Variants in NYAP2 observed in about 807,000 individuals in gnomAD.
NYAP2 encodes the protein neuronal tyrosine-phosphorylated phosphoinositide-3-kinase adaptor 2.
In NYAP2, 23 loss-of-function variants were observed where a neutral mutation model predicts 50.4. The observed-to-expected ratio is 0.46, with a 90% CI of 0.33 to 0.65. The LOEUF (loss-of-function observed/expected upper bound fraction) is 0.65. Ranked by LOEUF, NYAP2 falls within the 30% of genes least tolerant of loss-of-function variation. The pLI is 0.02. For missense variants in NYAP2, 885 were observed against 861.0 expected (o/e 1.03, Z -0.35); for synonymous variants, 394 against 365.2 (o/e 1.08, Z -0.90).
chr2:225,474,246 T>C (rs1690063692), intron 3 of NYAP2, among the ~76,000 whole-genome samples: 1 of 152,216 alleles, frequency 6.6e-6, no homozygotes, highest in Admixed American at 6.5e-5. Flanking sequence ...GGTAGCGTGA[T>C]GCCTCCAGCT....
intron 6 of NYAP2, among the ~76,000 whole-genome samples, chr2:225,635,646 C>T (rs576478646): frequency 7.2e-5 from 11 of 152,236 alleles, no homozygotes; most frequent in African/African-American, 9.6e-5. Context: ...ACTATTAGTG[C>T]GACAATGTAT....
rs74595195 is a variant in NYAP2, at chr2:225,573,134, A to T, written c.524-8807A>T. 8.3e-3 allele frequency among the ~76,000 whole-genome samples: 1,258 copies of T among 152,036 alleles called. 30 individuals carry two copies. Among genetic ancestry groups the T allele is most frequent in the African/African-American group, 0.029 (1,215 of 41,456 alleles). On this transcript the variant is annotated intron_variant, in intron 4 of 6. Coordinates refer to ENST00000636099, the Ensembl canonical transcript of NYAP2. The stretch of plus-strand genomic sequence containing the variant: ...CTATGAAAATGATATTATTTTTTCA[A>T]TGAGATACCCACATGCACAGGAAAT...
chr2:225,627,349 C>G (rs563108353), intron 6 of NYAP2, among the ~76,000 whole-genome samples: 2 of 152,262 alleles, frequency 1.3e-5, no homozygotes, highest in East Asian at 3.9e-4. Context: ...AACGGTGCTT[C>G]TTGGAGCTAT....
intron 3 of NYAP2, among the ~76,000 whole-genome samples, chr2:225,484,644 T>C (rs1001823851): frequency 3.3e-5 from 5 of 152,244 alleles, no homozygotes; most frequent in African/African-American, 1.2e-4. Context: ...TCTACTCTAC[T>C]GTAAGCCTCC....
intron 3 of NYAP2, among the ~76,000 whole-genome samples, chr2:225,488,091 T>C (rs1690336248): frequency 6.6e-6 from 1 of 152,208 alleles, no homozygotes; most frequent in Non-Finnish European, 1.5e-5. Flanking sequence ...CGGATCATTA[T>C]ACAGGCTAAA....
chr2:225,623,569 G>A (rs953795957), intron 5 of NYAP2, among the ~76,000 whole-genome samples: 1 of 151,860 alleles, frequency 6.6e-6, no homozygotes, highest in Non-Finnish European at 1.5e-5. Context: ...TTCAGACTGG[G>A]GACAATGAAA....
intron 3 of NYAP2, among the ~76,000 whole-genome samples, chr2:225,444,730 T>C (rs1037187557): frequency 2.0e-5 from 3 of 152,192 alleles, no homozygotes; most frequent in African/African-American, 7.2e-5. Context: ...TTGAAAAGCA[T>C]TACTTTCCTC....
intron 6 of NYAP2, among the ~76,000 whole-genome samples, chr2:225,650,979 G>A (rs1005936822): frequency 6.6e-6 from 1 of 152,214 alleles, no homozygotes; most frequent in African/African-American, 2.4e-5. Flanking sequence ...TTGAAGAAAT[G>A]TTACATTGAA....
chr2:225,654,254 A>G (rs575678078), downstream of NYAP2, among the ~76,000 whole-genome samples: 1 of 152,254 alleles, frequency 6.6e-6, no homozygotes, highest in South Asian at 2.1e-4. Context: ...TATCAAACAA[A>G]CAATCCCTCT....
At chr2:225,519,585 T>TA (rs1691010220) in intron 4 of NYAP2, among the ~76,000 whole-genome samples, 1 of 152,072 alleles carries the variant, frequency 6.6e-6, no homozygotes, top group Non-Finnish European at 1.5e-5. Context: ...TCCATGTCCC[T>TA]ACAAAGGACA....
chr2:225,456,859 T>G (rs529307968), intron 3 of NYAP2, among the ~76,000 whole-genome samples: 1 of 152,328 alleles, frequency 6.6e-6, no homozygotes, highest in Non-Finnish European at 1.5e-5. Flanking sequence ...TAGGGCCCAC[T>G]GTTTTACTGG....
chr2:225,667,853 G>A, the NYAP2 span, among the ~76,000 whole-genome samples: 1 of 152,008 alleles, frequency 6.6e-6, no homozygotes, highest in Admixed American at 6.6e-5. Context: ...TATAATGTGT[G>A]TGCTTTTAAA....
chr2:225,495,825 G>T (rs1690494429), intron 3 of NYAP2, among the ~76,000 whole-genome samples: 2 of 152,170 alleles, frequency 1.3e-5, no homozygotes, highest in African/African-American at 4.8e-5. Flanking sequence ...CATATCTTCA[G>T]TAGACTGACC....
At chr2:225,594,624 G>A (rs1273450549) in intron 5 of NYAP2, among the ~76,000 whole-genome samples, 2 of 152,096 alleles carry the variant, frequency 1.3e-5, no homozygotes, top group African/African-American at 2.4e-5. Flanking sequence ...TATGTGACTC[G>A]CGGTCTTGAA....
chr2:225,504,882 C>T (rs1690675290), intron 3 of NYAP2, among the ~76,000 whole-genome samples: 1 of 151,956 alleles, frequency 6.6e-6, no homozygotes, highest in Admixed American at 6.6e-5. Flanking sequence ...GTGGTGTCTG[C>T]CTGTAATCCC....
intron 3 of NYAP2, among the ~76,000 whole-genome samples, chr2:225,481,410 A>G (rs1313374127): frequency 6.6e-6 from 1 of 152,158 alleles, no homozygotes; most frequent in Non-Finnish European, 1.5e-5. Context: ...AGTCCAGTGA[A>G]TCAACACATT....
intron 3 of NYAP2, among the ~76,000 whole-genome samples, chr2:225,468,204 T>G (rs1574629910): frequency 6.6e-6 from 1 of 152,250 alleles, no homozygotes; most frequent in East Asian, 1.9e-4. Context: ...CATGCTGGAT[T>G]AGGTGGGCCT....
At chr2:225,670,033 C>T in the NYAP2 span, among the ~76,000 whole-genome samples, 4 of 152,128 alleles carry the variant, frequency 2.6e-5, no homozygotes, top group African/African-American at 7.2e-5. Context: ...CACATTCTGG[C>T]CCACTAAAAC....
intron 3 of NYAP2, among the ~76,000 whole-genome samples, chr2:225,486,316 C>T (rs184399814): frequency 3.9e-5 from 6 of 152,326 alleles, no homozygotes; most frequent in East Asian, 1.9e-4. Flanking sequence ...CTGGCAACAG[C>T]GGCCTCTGAA....
Sources: gnomAD v4.1 joint callset for allele counts (sites outside exome capture counted in the v4.1 genomes callset) on GRCh38, gnomAD v4.1.1 for gene constraint, MANE v1.5 for transcripts, NCBI Gene and HGNC (gene_info 2026-07-23, HGNC 2026-07-21) for gene names.